Variants in ZNF202 observed in about 807,000 individuals in gnomAD.
The protein encoded by ZNF202 is zinc finger protein 202.
Under a neutral mutation model 54.5 loss-of-function variants are expected in ZNF202, and 22 were observed. That is an observed-to-expected ratio of 0.40 (90% confidence interval 0.29 to 0.58). The LOEUF (loss-of-function observed/expected upper bound fraction) is 0.58, where lower values mean the gene tolerates loss of function less well. Ranked by LOEUF, ZNF202 falls within the 20% of genes least tolerant of loss-of-function variation. ZNF202 has a pLI of 0.39. For synonymous variants in ZNF202, 294 were observed against 301.4 expected (o/e 0.98, Z 0.26); for missense variants, 644 against 805.5 (o/e 0.80, Z 2.43).
chr11:123,725,757 A>G lies in ZNF202; in HGVS notation c.*240T>C, dbSNP rs1209767349. 5.8e-6 allele frequency: 3 copies of G among 513,380 alleles called. No individual in the cohort carries two copies. Among genetic ancestry groups the G allele is most frequent in the East Asian group, 6.2e-5 (2 of 32,028 alleles). 31.8% of individuals were successfully genotyped at this position (513,380 alleles called of 1,614,324 possible). A position where few individuals can be genotyped will look rare whatever the true frequency, so the allele number is the denominator to read the frequency against. On this transcript the variant is annotated 3_prime_UTR_variant, in exon 9 of 9. Transcript: ENST00000530393. ...CATGAGGTAGAGGCAGGTGCACTCC[A>G]GTGAAGGAGAAGCCTCAATTCAGGT...
At chr11:123,734,111 G>T (rs1861531667) in intron 3 of ZNF202, among the ~76,000 whole-genome samples, 1 of 152,086 alleles carries the variant, frequency 6.6e-6, no homozygotes, top group East Asian at 1.9e-4. Context: ...GAGACAGAGA[G>T]AGAGAGAGAG....
intron 3 of ZNF202, 45 bp from the exon 4 acceptor site, chr11:123,731,030 A>G (rs1861383860): frequency 2.1e-6 from 2 of 933,928 alleles, no homozygotes; most frequent in Admixed American, 5.6e-5. Context: ...GCATGAAACT[A>G]TACACAAGGA....
intron 3 of ZNF202, among the ~76,000 whole-genome samples, chr11:123,733,000 A>C (rs1258109263): frequency 6.6e-6 from 1 of 152,134 alleles, no homozygotes; most frequent in Admixed American, 6.5e-5. Context: ...TCTGCTCCTA[A>C]ACGGCACTGG....
At position 123,726,607 on chromosome 11, in the gene ZNF202, A is replaced by G; in HGVS notation, c.1337T>C (p.Val446Ala). Reference protein sequence around the residue: ...RSSHLARHQKVHKMNAPYKYP... With the variant: ...RSSHLARHQKAHKMNAPYKYP... Reference sequence around the variant, plus strand: ...TTTGTAAGGCGCGTTCATCTTGTGAACCTTTTGGTGCCTGGCAAGATGTGA... The same window carrying G: ...TTTGTAAGGCGCGTTCATCTTGTGAGCCTTTTGGTGCCTGGCAAGATGTGA... Residue 446 changes from valine (V) to alanine (A), a missense_variant, in exon 9 of 9, where the codon GTT becomes GCT. Transcript: ENST00000530393. The surrounding 1 kb of genome is among the most constrained non-coding windows in gnomAD (Gnocchi z 6.0). 2 of 1,614,016 alleles carry G rather than the reference A, an allele frequency of 1.2e-6. No individual in the cohort carries two copies. The highest frequency in any genetic ancestry group is 1.7e-6 in the Non-Finnish European group (2 of 1,180,006).
chr11:123,729,897 TAGG>T, intron 4 of ZNF202, 72 bp from the exon 5 acceptor site: 2 of 1,460,378 alleles, frequency 1.4e-6, no homozygotes, highest in East Asian at 2.3e-5. Context: ...GAGCTTATTT[TAGG>T]AGAAGATGCC....
chr11:123,729,855 T>G, intron 4 of ZNF202, 30 bp from the exon 5 acceptor site: 1 of 1,570,628 alleles, frequency 6.4e-7, no homozygotes, highest in South Asian at 1.2e-5. Context: ...CCAGTCACCA[T>G]GGAGTCAGGA....
rs187711792 is a variant in ZNF202, at chr11:123,740,137, T to C, written c.-118A>G. ...CTTACCTCATCTGTACAATTTGCAA[T>C]GGCTGAGTCCCTCACATTGTGGTAA... is the stretch of plus-strand genomic sequence containing the variant. On this transcript the variant is annotated 5_prime_UTR_variant, in exon 3 of 9. Transcript: ENST00000530393. 8 of 152,324 alleles carry C rather than the reference T, an allele frequency of 5.3e-5. No homozygotes were observed. Among genetic ancestry groups the C allele is most frequent in the African/African-American group, 1.9e-4 (8 of 41,570 alleles). The allele number at this position is 152,324 out of a possible 1,614,324, so 9.4% of individuals were successfully genotyped here. A position where few individuals can be genotyped will look rare whatever the true frequency, so the allele number is the denominator to read the frequency against.
Position 123,726,890 on chromosome 11 carries a change from G to A in ZNF202, c.1054C>T (p.Pro352Ser), listed in dbSNP as rs2137313960. 6.2e-7 allele frequency: 1 copy of A among 1,614,112 alleles called. No homozygotes were observed. The highest frequency in any genetic ancestry group is 8.5e-7 in the Non-Finnish European group (1 of 1,180,020). ...VLGEPEIHQT[P>S]DWEIVFEDNP... The stretch of plus-strand genomic sequence containing the variant: ...TCCTCAAAGACTATTTCCCAATCTG[G>A]AGTCTGGTGAATTTCTGGTTCTCCC... Residue 352 changes from proline to serine, a missense_variant, in exon 9 of 9, where the codon CCA becomes TCA. By Grantham distance (74) the Pro-to-Ser change is moderately conservative (BLOSUM62 -1). Around this residue, in one of 3 missense-constraint regions of ZNF202, gnomAD observed 536 missense variants for 635.3 expected, o/e 0.84. Transcript: ENST00000530393. The surrounding 1 kb of genome is among the most constrained non-coding windows in gnomAD (Gnocchi z 6.0).
At chr11:123,733,673 T>G (rs566393041) in intron 3 of ZNF202, among the ~76,000 whole-genome samples, 107 of 152,328 alleles carry the variant, frequency 7.0e-4, no homozygotes, top group African/African-American at 2.4e-3. Flanking sequence ...TTTTCCAACC[T>G]TGGCCTCCCA....
rs1163381142 is a variant in ZNF202, at chr11:123,726,113, G to A, written c.1831C>T (p.His611Tyr). Residue 611 changes from histidine (H) to tyrosine (Y), a missense_variant, in exon 9 of 9, where the codon CAT (histidine) becomes TAT (tyrosine). His to Tyr is a moderately conservative substitution (Grantham distance 83). Around this residue, in one of 3 missense-constraint regions of ZNF202, gnomAD observed 536 missense variants for 635.3 expected, o/e 0.84. Transcript: ENST00000530393. The surrounding 1 kb of genome is among the most constrained non-coding windows in gnomAD (Gnocchi z 6.0). ...SFSRRDHLVR[H>Y]QRTHTGEKPF... ...TTCTCCCCAGTGTGTGTTCTCTGATGCCTGACGAGGTGGTCCCTGCGACTG... is the reference window on the plus strand; with the variant it reads ...TTCTCCCCAGTGTGTGTTCTCTGATACCTGACGAGGTGGTCCCTGCGACTG... 6.2e-7 allele frequency: 1 copy of A among 1,614,196 alleles called. No homozygotes were observed. Among genetic ancestry groups the A allele is most frequent in the South Asian group, 1.1e-5 (1 of 91,086 alleles).
At chr11:123,733,351 A>G (rs1368065427) in intron 3 of ZNF202, among the ~76,000 whole-genome samples, 2 of 152,120 alleles carry the variant, frequency 1.3e-5, no homozygotes, top group African/African-American at 4.8e-5. Flanking sequence ...TCTATCTTGG[A>G]TAGCTCCCTA....
Position 123,725,858 on chromosome 11 carries a change from A to C in ZNF202, c.*139T>G. The C allele has an allele frequency of 1.0e-6, 1 of 999,370 alleles. No individual in the cohort carries two copies. The allele number at this position is 999,370 out of a possible 1,614,324, so 61.9% of individuals were successfully genotyped here. On this transcript the variant is annotated 3_prime_UTR_variant, in exon 9 of 9. Transcript: ENST00000530393. Reference sequence around the variant, plus strand: ...TCTGCCCAGGCTCGTGTTTAGTTGCAGGAAGAGGTAATGTCAGATCTGAGC... The same window carrying C: ...TCTGCCCAGGCTCGTGTTTAGTTGCCGGAAGAGGTAATGTCAGATCTGAGC...
chr11:123,726,979 T>G lies in ZNF202; in HGVS notation c.965A>C (p.Lys322Thr). Residue 322 changes from lysine to threonine, a missense_variant, in exon 9 of 9, where the codon AAA (lysine) becomes ACA (threonine). This residue lies in a region of ZNF202 where 536 missense variants were observed against 635.3 expected (regional missense o/e 0.84). Transcript: ENST00000530393. The surrounding 1 kb of genome is among the most constrained non-coding windows in gnomAD (Gnocchi z 6.0). ...LSFTYTGDRS[K>T]DEEECLEQED... ...CTGCTCCAGACACTCTTCCTCATCT[T>G]TACTCCTATCTCCTGTAGAAAGGGT... 6.2e-7 allele frequency: 1 copy of G among 1,612,260 alleles called. No individual in the cohort carries two copies. The highest frequency in any genetic ancestry group is 8.5e-7 in the Non-Finnish European group (1 of 1,179,444).
At chr11:123,735,518 G>A (rs1861595874) in intron 3 of ZNF202, among the ~76,000 whole-genome samples, 1 of 152,032 alleles carries the variant, frequency 6.6e-6, no homozygotes, top group East Asian at 1.9e-4. Context: ...ATGAAGGAAG[G>A]AGTCTTTGTG....
At chr11:123,727,249 A>C (rs1390332500) in intron 8 of ZNF202, among the ~76,000 whole-genome samples, 1 of 152,238 alleles carries the variant, frequency 6.6e-6, no homozygotes, top group Non-Finnish European at 1.5e-5. Flanking sequence ...GCAATTCCAA[A>C]AGTTAACATT....
chr11:123,726,248 G>T lies in ZNF202; in HGVS notation c.1696C>A (p.Leu566Ile). ...AAGCAGCGCCCGCACTCGCTGCAGA[G>T]GTAGAGTTCCTCAGCAGCGTGCGTC... ...RKTHAAEELY[L>I]CSECGRCFTH... The change falls in exon 9 of 9, where the codon CTC (leucine) becomes ATC (isoleucine). Residue 566 changes from leucine (L) to isoleucine (I), a missense_variant. By Grantham distance (5) the Leu-to-Ile change is conservative. This residue lies in a region of ZNF202 where 536 missense variants were observed against 635.3 expected (regional missense o/e 0.84). Coordinates refer to ENST00000530393, the MANE Select transcript of ZNF202 (RefSeq NM_003455.4). This position sits in a 1 kb window ranked among gnomAD's most constrained non-coding sequence, Gnocchi z 6.0. 3 of 1,614,220 alleles carry T rather than the reference G, an allele frequency of 1.9e-6. No individual in the cohort carries two copies. The highest frequency in any genetic ancestry group is 2.5e-6 in the Non-Finnish European group (3 of 1,180,044).
chr11:123,726,155 C>T lies in ZNF202; in HGVS notation c.1789G>A (p.Glu597Lys), dbSNP rs1054423798. The T allele has an allele frequency of 2.5e-6, 4 of 1,614,108 alleles. No homozygotes were observed. Among genetic ancestry groups the T allele is most frequent in the East Asian group, 4.5e-5 (2 of 44,892 alleles). The part of the protein sequence containing the change: ...HASVRPCRCN[E>K]CGKSFSRRDH... ...CTGCGACTGAAGCTCTTCCCACATT[C>T]GTTGCATCGGCAGGGCCTCACTGAG... Residue 597 changes from glutamate (E) to lysine (K), a missense_variant, in exon 9 of 9, where the codon GAA (glutamate) becomes AAA (lysine). Glu to Lys is a moderately conservative substitution (Grantham distance 56). Transcript: ENST00000530393. This position sits in a 1 kb window ranked among gnomAD's most constrained non-coding sequence, Gnocchi z 6.0.
chr11:123,739,813 G>A lies in ZNF202; in HGVS notation c.-98+304C>T, dbSNP rs557400705. 2.0e-5 allele frequency among the ~76,000 whole-genome samples: 3 copies of A among 152,326 alleles called. No individual in the cohort carries two copies. In the South Asian group the frequency reaches 6.2e-4, roughly 32 times the overall value. ...TCAAAGTGAAGAACCCAGATCTGCA[G>A]CATCAGTACCTGAGCCTTGTTAGAA... On this transcript the variant is annotated intron_variant, in intron 3 of 8. Coordinates refer to ENST00000530393, the MANE Select transcript of ZNF202 (RefSeq NM_003455.4).
intron 6 of ZNF202, among the ~76,000 whole-genome samples, chr11:123,728,472 C>A (rs1022141235): frequency 2.0e-5 from 3 of 151,940 alleles, no homozygotes; most frequent in African/African-American, 7.3e-5. Context: ...TGAGGACCAG[C>A]TTATGTTCTT....
Sources: allele counts gnomAD v4.1 joint callset (sites outside exome capture counted in the v4.1 genomes callset), GRCh38; gene constraint gnomAD v4.1.1; regional missense constraint gnomAD v4.1.1; non-coding constraint Gnocchi (gnomAD v3.1); transcripts MANE v1.5; gene names NCBI Gene and HGNC (gene_info 2026-07-23, HGNC 2026-07-21).